The following PAIP2 variants were observed in gnomAD, a reference collection of about 807,000 sequenced individuals.
PAIP2 encodes poly(A) binding protein interacting protein 2, also known as polyadenylate-binding protein-interacting protein 2.
In PAIP2, 7 loss-of-function variants were observed where a neutral mutation model predicts 14.8. The ratio of observed to expected loss-of-function variants is 0.47; its 90% confidence interval spans 0.27 to 0.89. The LOEUF is 0.89. PAIP2 is among the 40% of genes least tolerant of loss of function. The pLI, the probability that PAIP2 is intolerant of heterozygous loss-of-function variation, is 0.13. For synonymous variants in PAIP2, 47 were observed against 45.3 expected (o/e 1.04, Z -0.15); for missense variants, 122 against 154.7 (o/e 0.79, Z 1.12).
At chr5:139,347,487 T>A (rs1195897532) in intron 1 of PAIP2, among the ~76,000 whole-genome samples, 3 of 151,868 alleles carry the variant, frequency 2.0e-5, no homozygotes, top group African/African-American at 7.3e-5. Flanking sequence ...TTGGCCGGGC[T>A]TTTCTAGAAC....
At chr5:139,345,852 C>T (rs1756529146) in intron 1 of PAIP2, among the ~76,000 whole-genome samples, 1 of 152,068 alleles carries the variant, frequency 6.6e-6, no homozygotes, top group Admixed American at 6.6e-5. Flanking sequence ...TGGTCTCAAT[C>T]TCCTGACCTT....
chr5:139,369,561 T>C lies in PAIP2; in HGVS notation c.*763T>C, dbSNP rs959942041. ...ATCACGAGAGTCTGCAGCACAACTT[T>C]TAACAAAGCTAGAACAGTTTTGGCT... On this transcript the variant is annotated 3_prime_UTR_variant, in exon 4 of 4. Transcript: ENST00000265192. 1.3e-5 allele frequency: 2 copies of C among 152,652 alleles called. No homozygotes were observed. The highest frequency in any genetic ancestry group is 4.1e-4 in the South Asian group (2 of 4,836). The allele number at this position is 152,652 out of a possible 1,614,324, so 9.5% of individuals were successfully genotyped here.
intron 1 of PAIP2, among the ~76,000 whole-genome samples, chr5:139,348,387 C>G (rs1031085671): frequency 6.7e-5 from 10 of 150,086 alleles, no homozygotes; most frequent in African/African-American, 2.5e-4. Context: ...CGGAGTCTCA[C>G]TCTGTCGCCC....
intron 1 of PAIP2, among the ~76,000 whole-genome samples, chr5:139,349,322 C>A (rs1245006776): frequency 6.6e-6 from 1 of 152,152 alleles, no homozygotes; most frequent in Non-Finnish European, 1.5e-5. Context: ...GATCTTAGCT[C>A]ACTGCAACCT....
At chr5:139,349,441 G>C (rs1444828876) in intron 1 of PAIP2, among the ~76,000 whole-genome samples, 1 of 151,898 alleles carries the variant, frequency 6.6e-6, no homozygotes, top group African/African-American at 2.4e-5. Context: ...TAGATACCGG[G>C]TTTCGCCATG....
At chr5:139,345,661 TCTGTTGCC>T (rs929988948) in intron 1 of PAIP2, among the ~76,000 whole-genome samples, 2 of 149,764 alleles carry the variant, frequency 1.3e-5, no homozygotes, top group Non-Finnish European at 3.0e-5. Context: ...GGAGTCTTGC[TCTGTTGCC>T]CAGGCCTGAG....
At chr5:139,349,895 G>T (rs1202377077) in intron 1 of PAIP2, among the ~76,000 whole-genome samples, 2 of 151,890 alleles carry the variant, frequency 1.3e-5, no homozygotes, top group Non-Finnish European at 2.9e-5. Context: ...CCAGCTACTC[G>T]GGAGGCTGAG....
At chr5:139,359,998 G>A (rs923232225) in intron 1 of PAIP2, among the ~76,000 whole-genome samples, 3 of 151,932 alleles carry the variant, frequency 2.0e-5, no homozygotes, top group African/African-American at 4.8e-5. Context: ...ATGTAGTCGC[G>A]CTCTGTTGCC....
At chr5:139,358,618 G>A (rs2152051751) in intron 1 of PAIP2, among the ~76,000 whole-genome samples, 1 of 152,314 alleles carries the variant, frequency 6.6e-6, no homozygotes, top group Middle Eastern at 3.4e-3. Context: ...GACTGCAGAT[G>A]CTCATTAATC....
intron 1 of PAIP2, among the ~76,000 whole-genome samples, chr5:139,350,175 CAAAAAA>C (rs1223498671): frequency 9.0e-5 from 6 of 66,574 alleles, no homozygotes; most frequent in African/African-American, 2.9e-4. Flanking sequence ...GACTCTGTCT[CAAAAAA>C]AAAAAAAAAA....
chr5:139,358,847 C>A (rs1197919663), intron 1 of PAIP2, among the ~76,000 whole-genome samples: 2 of 152,108 alleles, frequency 1.3e-5, no homozygotes, highest in Non-Finnish European at 2.9e-5. Context: ...TAGTGGTTGT[C>A]CAAGTTGGGG....
At chr5:139,358,891 A>G (rs1396696044) in intron 1 of PAIP2, among the ~76,000 whole-genome samples, 1 of 152,222 alleles carries the variant, frequency 6.6e-6, no homozygotes, top group African/African-American at 2.4e-5. Flanking sequence ...ACAGATGGGT[A>G]TGGAGTTTCC....
intron 1 of PAIP2, among the ~76,000 whole-genome samples, chr5:139,346,138 C>T (rs1041869803): frequency 1.3e-5 from 2 of 152,186 alleles, no homozygotes; most frequent in Non-Finnish European, 2.9e-5. Context: ...TGCTGACTTC[C>T]AGGCAGTAGT....
Position 139,350,614 on chromosome 5 carries a change from G to C in PAIP2, c.-27+8634G>C, listed in dbSNP as rs57244674. Among the ~76,000 whole-genome samples the C allele has an allele frequency of 1.7e-3, 253 of 151,392 alleles. 3 individuals are homozygous for C. Among genetic ancestry groups the C allele is most frequent in the East Asian group, 0.015 (77 of 5,170 alleles). Reference sequence around the variant, plus strand: ...CCACTGCACTCCAGCCTGGGTGACAGAGTGAGACTCTGTCTCAAAAAAATA... The same window carrying C: ...CCACTGCACTCCAGCCTGGGTGACACAGTGAGACTCTGTCTCAAAAAAATA... On this transcript the variant is annotated intron_variant, in intron 1 of 3. Coordinates refer to ENST00000265192, the MANE Select transcript of PAIP2 (RefSeq NM_016480.5).
rs535771423 is a variant in PAIP2 at position 139,349,612 on chromosome 5, A to G, written c.-27+7632A>G. Among the ~76,000 whole-genome samples the G allele has an allele frequency of 3.3e-5, 5 of 152,364 alleles. No individual in the cohort carries two copies. In the East Asian group the frequency reaches 9.6e-4, roughly 29 times the overall value. On this transcript the variant is annotated intron_variant, in intron 1 of 3. Transcript: ENST00000265192. ...TATTAAGTGTAGGAAAATAAACGCTATAGAAAAGAAATAGTTAATAGAACA... is the reference window on the plus strand; with the variant it reads ...TATTAAGTGTAGGAAAATAAACGCTGTAGAAAAGAAATAGTTAATAGAACA...
chr5:139,348,395 C>T (rs574314158), intron 1 of PAIP2, among the ~76,000 whole-genome samples: 121 of 151,196 alleles, frequency 8.0e-4, no homozygotes, highest in Non-Finnish European at 1.6e-3. Context: ...CACTCTGTCG[C>T]CCAAGTTGGA....
intron 1 of PAIP2, among the ~76,000 whole-genome samples, chr5:139,345,916 C>A (rs578129472): frequency 6.6e-6 from 1 of 152,036 alleles, no homozygotes; most frequent in Non-Finnish European, 1.5e-5. Context: ...CGTGAGCCAC[C>A]GCACCAGGCC....
chr5:139,366,897 C>T (rs1161066619), intron 3 of PAIP2, among the ~76,000 whole-genome samples: 1 of 152,068 alleles, frequency 6.6e-6, no homozygotes, highest in Non-Finnish European at 1.5e-5. Flanking sequence ...CCTGTTTCTA[C>T]AAAAAGTTTA....
In PAIP2 at chr5:139,344,910, A is replaced by G. The variant is rs80247901; in HGVS notation, c.-27+2930A>G. On this transcript the variant is annotated intron_variant, in intron 1 of 3. Coordinates refer to ENST00000265192, the MANE Select transcript of PAIP2 (RefSeq NM_016480.5). ...TAGTTAATGCCAATTGTTATGTGCT[A>G]GGTTCTCTAACTAGGTACTATTATT... is the stretch of plus-strand genomic sequence containing the variant. 7.9e-3 allele frequency among the ~76,000 whole-genome samples: 1,201 copies of G among 152,142 alleles called. 2 individuals carry two copies. Among genetic ancestry groups the G allele is most frequent in the Non-Finnish European group, 0.014 (943 of 68,000 alleles).
Sources: allele counts gnomAD v4.1 joint callset (sites outside exome capture counted in the v4.1 genomes callset), GRCh38; gene constraint gnomAD v4.1.1; transcripts MANE v1.5; gene names NCBI Gene and HGNC (gene_info 2026-07-23, HGNC 2026-07-21).